Variants in FBXO9 observed in about 807,000 individuals in gnomAD.
The protein encoded by FBXO9 is F-box protein 9.
FBXO9 carries 43 observed loss-of-function variants against 63.7 expected under a neutral mutation model. The observed-to-expected ratio is 0.67, with a 90% CI of 0.53 to 0.87. The LOEUF is 0.87. Among genes scored for constraint, FBXO9 ranks in the 40% least tolerant of loss-of-function variants. FBXO9 has a pLI of 0.00. For missense variants in FBXO9, 442 were observed against 533.2 expected, an observed-to-expected ratio of 0.83 and a Z score of 1.68; for synonymous variants, 156 against 171.7, an observed-to-expected ratio of 0.91 and a Z score of 0.72.
In FBXO9 at chr6:53,065,580, T is replaced by TCTGGCCCC. The variant is rs1182610862; in HGVS notation, c.-206_-199dup. On this transcript the variant is annotated 5_prime_UTR_variant, in exon 1 of 13. It removes the in-frame stop codon of an upstream open reading frame in the 5' UTR. Coordinates refer to ENST00000323557, the MANE Select transcript of FBXO9 (RefSeq NM_033480.3). ...CCGCCGCCACCCCAGCGCGCCCCGA[T>TCTGGCCCC]CTGGCCCCCTGCCCCGCGAAGATGG... 9.8e-6 allele frequency: 5 copies of TCTGGCCCC among 510,306 alleles called. No homozygotes were observed. Among genetic ancestry groups the TCTGGCCCC allele is most frequent in the African/African-American group, 2.0e-5 (1 of 50,516 alleles). The allele number at this position is 510,306 out of a possible 1,614,324, so 31.6% of individuals were successfully genotyped here. A position where few individuals can be genotyped will look rare whatever the true frequency, so the allele number is the denominator to read the frequency against.
chr6:53,070,950 G>A, intron 1 of FBXO9, 107 bp from the exon 2 acceptor site: 1 of 1,507,604 alleles, frequency 6.6e-7, no homozygotes, highest in South Asian at 1.3e-5. Context: ...TCCACAAAGT[G>A]TTGACAGTAT....
chr6:53,079,107 G>A (rs571628187), intron 5 of FBXO9, among the ~76,000 whole-genome samples: 2 of 151,902 alleles, frequency 1.3e-5, no homozygotes, highest in South Asian at 4.2e-4. Flanking sequence ...AAAATAAACA[G>A]ATACAAAAAT....
chr6:53,081,313 C>T (rs1769304991), intron 6 of FBXO9, among the ~76,000 whole-genome samples: 1 of 152,096 alleles, frequency 6.6e-6, no homozygotes, highest in African/African-American at 2.4e-5. Context: ...GCCCTGTCAC[C>T]CAGGCTGGAG....
At chr6:53,077,772 C>G (rs1769170718) in intron 4 of FBXO9, among the ~76,000 whole-genome samples, 1 of 152,168 alleles carries the variant, frequency 6.6e-6, no homozygotes, top group African/African-American at 2.4e-5. Context: ...CCCAGTTGAT[C>G]AAGTCCCTGT....
Position 53,092,794 on chromosome 6 carries a change from A to G in FBXO9, c.833A>G (p.Tyr278Cys), listed in dbSNP as rs750264709. ...GGGGAACAGTCTCTTGATGGTTTCT[A>G]TAGAGCCTGGCACCAAGTGGAATAT... is the stretch of plus-strand genomic sequence containing the variant. ...RQGEQSLDGF[Y>C]RAWHQVEYYR... is the part of the protein sequence containing the mutation. The change falls in exon 9 of 13, where the codon TAT becomes TGT. Residue 278 changes from tyrosine to cysteine, a missense_variant. Transcript: ENST00000323557. 7.4e-6 allele frequency: 12 copies of G among 1,612,234 alleles called. No individual in the cohort carries two copies. The highest frequency in any genetic ancestry group is 9.3e-6 in the Non-Finnish European group (11 of 1,178,722).
In FBXO9 at chr6:53,098,188, G is replaced by A. The variant is rs1382638896; in HGVS notation, c.*358G>A. On this transcript the variant is annotated 3_prime_UTR_variant, in exon 13 of 13. Transcript: ENST00000323557. ...TTATGAGCAGATTTCTGTCACATAA[G>A]TCGTCTTCTGCTTGAGTATCCTAAT... The A allele has an allele frequency of 7.9e-6, 3 of 380,000 alleles. No individual in the cohort carries two copies. Among genetic ancestry groups the A allele is most frequent in the Non-Finnish European group, 1.6e-5 (3 of 184,172 alleles). 23.5% of individuals were successfully genotyped at this position (380,000 alleles called of 1,614,324 possible). A position where few individuals can be genotyped will look rare whatever the true frequency, so the allele number is the denominator to read the frequency against.
intron 6 of FBXO9, among the ~76,000 whole-genome samples, chr6:53,082,069 A>G (rs1468608543): frequency 1.3e-5 from 2 of 149,024 alleles, no homozygotes; most frequent in East Asian, 1.9e-4. Flanking sequence ...AACCTGTCAC[A>G]AAAAAAAAAG....
chr6:53,065,366 T>G, upstream of FBXO9: 1 of 168,784 alleles, frequency 5.9e-6, no homozygotes, highest in Middle Eastern at 2.4e-3. Flanking sequence ...CGGGGATGGG[T>G]GGCCGGGCCG....
At position 53,082,596 on chromosome 6, in the gene FBXO9, A is replaced by C. The variant is rs1769351829; in HGVS notation, c.631A>C (p.Arg211=). The part of the protein sequence containing the change: ...RSLEQLSLVC[R]GFYICARDPE... ...ATTGGAGCAGTTGTCGCTGGTGTGC[A>C]GAGGATTCTACATCTGTGCCAGGTA... is the stretch of plus-strand genomic sequence containing the variant. The change falls in exon 7 of 13, where the codon AGA becomes CGA. Residue 211 remains arginine (R), a synonymous_variant. Coordinates refer to ENST00000323557, the MANE Select transcript of FBXO9 (RefSeq NM_033480.3). 6.2e-7 allele frequency: 1 copy of C among 1,613,424 alleles called. No individual in the cohort carries two copies. The highest frequency in any genetic ancestry group is 8.5e-7 in the Non-Finnish European group (1 of 1,179,574).
chr6:53,097,548 A>G (rs1028744081), intron 12 of FBXO9, among the ~76,000 whole-genome samples, 174 bp from the exon 13 acceptor site: 4 of 152,168 alleles, frequency 2.6e-5, no homozygotes, highest in Middle Eastern at 3.2e-3. Context: ...ATGTTTCTGT[A>G]TACATTTCTA....
chr6:53,094,439 A>G (rs895352484), intron 11 of FBXO9, among the ~76,000 whole-genome samples: 2 of 152,358 alleles, frequency 1.3e-5, no homozygotes, highest in African/African-American at 4.8e-5. Context: ...ATGCCAAGCA[A>G]ATATGATTAC....
chr6:53,074,423 A>G (rs374495264), intron 3 of FBXO9, among the ~76,000 whole-genome samples: 7 of 152,358 alleles, frequency 4.6e-5, no homozygotes, highest in Admixed American at 3.3e-4. Flanking sequence ...AACAACTTGC[A>G]TAACTATAGT....
Position 53,076,553 on chromosome 6 carries a change from CAG to C in FBXO9, c.307+13_307+14del. On this transcript the variant is annotated intron_variant, in intron 4 of 12. Coordinates refer to ENST00000323557, the MANE Select transcript of FBXO9 (RefSeq NM_033480.3). ...GGAGCTCTCTATGAAGGTAAAAATT[CAG>C]AGCCCAGGTTCATATCATAACATTT... 1 of 1,521,944 alleles carries C rather than the reference CAG, an allele frequency of 6.6e-7. No homozygotes were observed. The highest frequency in any genetic ancestry group is 8.7e-7 in the Non-Finnish European group (1 of 1,144,994). 94.3% of individuals were successfully genotyped at this position (1,521,944 alleles called of 1,614,324 possible).
At chr6:53,080,608 C>T (rs1047941131) in intron 5 of FBXO9, among the ~76,000 whole-genome samples, 1 of 152,088 alleles carries the variant, frequency 6.6e-6, no homozygotes, top group African/African-American at 2.4e-5. Context: ...GGTTTTTATC[C>T]AGTTAGAATA....
At chr6:53,086,503 C>T (rs1412632692) in intron 7 of FBXO9, among the ~76,000 whole-genome samples, 4 of 152,086 alleles carry the variant, frequency 2.6e-5, no homozygotes, top group Non-Finnish European at 4.4e-5. Context: ...ATTTGCTTCT[C>T]CATGTGGGAA....
Position 53,082,556 on chromosome 6 carries a change from C to G in FBXO9, c.591C>G (p.Asp197Glu). The G allele has an allele frequency of 6.2e-7, 1 of 1,613,818 alleles. No individual in the cohort carries two copies. Among genetic ancestry groups the G allele is most frequent in the Non-Finnish European group, 8.5e-7 (1 of 1,179,772 alleles). The change falls in exon 7 of 13, where the codon GAC becomes GAG. Residue 197 changes from aspartate to glutamate, a missense_variant. Asp to Glu is a conservative substitution (Grantham distance 45). This residue lies in a region of FBXO9 where 262 missense variants were observed against 362.1 expected (regional missense o/e 0.72). Coordinates refer to ENST00000323557, the MANE Select transcript of FBXO9 (RefSeq NM_033480.3). ...MYIFRWVVSS[D>E]LDLRSLEQLS... ...TCTTCCGATGGGTGGTGTCTAGTGA[C>G]TTGGACCTCAGATCATTGGAGCAGT...
Position 53,095,616 on chromosome 6 carries a change from G to A in FBXO9, c.1157G>A (p.Arg386Lys), listed in dbSNP as rs1368831493. 1.2e-6 allele frequency: 2 copies of A among 1,613,382 alleles called. No homozygotes were observed. The highest frequency in any genetic ancestry group is 1.7e-5 in the Admixed American group (1 of 59,904). The change falls in exon 12 of 13, where the codon AGG becomes AAG. Residue 386 changes from arginine to lysine, a missense_variant. Arg to Lys is a conservative substitution (Grantham distance 26). Transcript: ENST00000323557. ...CAGCTATGTTCCAGTGGTCACCAGA[G>A]GTTCAACAAACTCATCTGGATACAT... is the stretch of plus-strand genomic sequence containing the variant. ...GLQLCSSGHQ[R>K]FNKLIWIHHS...
Position 53,077,196 on chromosome 6 carries a change from C to T in FBXO9, c.307+653C>T, listed in dbSNP as rs137937472. On this transcript the variant is annotated intron_variant, in intron 4 of 12. Transcript: ENST00000323557. ...ACCAACAGAAATATGTGGTAATGGCCGGGCGCGGTGGCTCACGCCTGTAAT... is the reference window on the plus strand; with the variant it reads ...ACCAACAGAAATATGTGGTAATGGCTGGGCGCGGTGGCTCACGCCTGTAAT... Among the ~76,000 whole-genome samples, 414 of 152,058 alleles carry T rather than the reference C, an allele frequency of 2.7e-3. 2 individuals are homozygous for T. Among genetic ancestry groups the T allele is most frequent in the African/African-American group, 7.2e-3 (298 of 41,504 alleles).
At chr6:53,085,490 A>G (rs1224858717) in intron 7 of FBXO9, among the ~76,000 whole-genome samples, 1 of 152,116 alleles carries the variant, frequency 6.6e-6, no homozygotes, top group Admixed American at 6.5e-5. Flanking sequence ...AGTTATTTCT[A>G]GTACATGTAG....
Sources: gnomAD v4.1 joint callset for allele counts (sites outside exome capture counted in the v4.1 genomes callset) on GRCh38, gnomAD v4.1.1 for gene constraint, gnomAD v4.1.1 regional missense constraint, MANE v1.5 for transcripts, NCBI Gene and HGNC (gene_info 2026-07-23, HGNC 2026-07-21) for gene names.